The following CACNA2D3 variants were observed in gnomAD, a reference collection of about 807,000 sequenced individuals.
CACNA2D3 encodes voltage-dependent calcium channel subunit alpha-2/delta-3.
In CACNA2D3, 60 loss-of-function variants were observed where a neutral mutation model predicts 160.6. The observed-to-expected ratio is 0.37, with a 90% confidence interval of 0.30 to 0.46. The LOEUF is 0.46. Ranked by LOEUF, CACNA2D3 falls within the 20% of genes least tolerant of loss-of-function variation. The pLI is 1.00. For missense variants in CACNA2D3, 1,205 were observed against 1,365.0 expected (o/e 0.88, Z 1.85); for synonymous variants, 558 against 492.9 (o/e 1.13, Z -1.75).
Position 54,265,646 on chromosome 3 carries a change from GTA to G in CACNA2D3, c.205-54787_205-54786del, listed in dbSNP as rs575779175. ...TATATAGTGTGTATATATATAGTGTGTATATATATAGTGTATATATATAGTGT... is the reference window on the plus strand; with the variant it reads ...TATATAGTGTGTATATATATAGTGTGTATATATAGTGTATATATATAGTGT... On this transcript the variant is annotated intron_variant, in intron 2 of 37. Coordinates refer to ENST00000474759, the MANE Select transcript of CACNA2D3 (RefSeq NM_018398.3). Among the ~76,000 whole-genome samples the G allele has an allele frequency of 1.4e-3, 208 of 146,846 alleles. 2 individuals carry two copies. The highest frequency in any genetic ancestry group is 4.0e-3 in the African/African-American group (158 of 39,410).
intron 5 of CACNA2D3, among the ~76,000 whole-genome samples, chr3:54,524,808 C>G (rs1008707854): frequency 6.6e-6 from 1 of 152,056 alleles, no homozygotes; most frequent in Non-Finnish European, 1.5e-5. Flanking sequence ...ACCATTCCAG[C>G]TTTCTTGTTA....
At chr3:54,371,044 T>G (rs1304646506) in intron 3 of CACNA2D3, among the ~76,000 whole-genome samples, 1 of 152,218 alleles carries the variant, frequency 6.6e-6, no homozygotes, top group African/African-American at 2.4e-5. Flanking sequence ...CTGCTACATC[T>G]CAATATTCCT....
At chr3:54,334,156 G>A (rs748045226) in intron 3 of CACNA2D3, among the ~76,000 whole-genome samples, 28 of 150,886 alleles carry the variant, frequency 1.9e-4, no homozygotes, top group Admixed American at 5.3e-4. Flanking sequence ...GTGTGATCTC[G>A]GCTCACTGCA....
intron 3 of CACNA2D3, among the ~76,000 whole-genome samples, chr3:54,323,459 TTTTCTTTTC>T (rs1704052368): frequency 8.5e-6 from 1 of 117,352 alleles, no homozygotes; most frequent in Non-Finnish European, 2.0e-5. Context: ...CCTCTTTTCT[TTTTCTTTTC>T]TTTTTTTTTT....
intron 11 of CACNA2D3, among the ~76,000 whole-genome samples, chr3:54,676,985 G>A (rs971426284): frequency 1.3e-5 from 2 of 152,158 alleles, no homozygotes; most frequent in Admixed American, 6.5e-5. Context: ...ATTAGTTACA[G>A]CCTTTTAAAA....
At chr3:54,449,928 A>T (rs1452502530) in intron 4 of CACNA2D3, among the ~76,000 whole-genome samples, 1 of 152,234 alleles carries the variant, frequency 6.6e-6, no homozygotes, top group East Asian at 1.9e-4. Context: ...ATATATGTCC[A>T]CAATCTCTAC....
chr3:54,530,407 A>G (rs1007264594), intron 5 of CACNA2D3, among the ~76,000 whole-genome samples: 1 of 152,124 alleles, frequency 6.6e-6, no homozygotes, highest in Non-Finnish European at 1.5e-5. Context: ...GTTGAGAGGG[A>G]ATGGGAAAGG....
At chr3:54,457,662 C>T (rs1410062320) in intron 4 of CACNA2D3, among the ~76,000 whole-genome samples, 1 of 151,566 alleles carries the variant, frequency 6.6e-6, no homozygotes, top group Non-Finnish European at 1.5e-5. Context: ...TTTGGAAGTC[C>T]CCAGATTTTA....
At chr3:54,326,963 G>C (rs1026463198) in intron 3 of CACNA2D3, among the ~76,000 whole-genome samples, 1 of 152,072 alleles carries the variant, frequency 6.6e-6, no homozygotes, top group Admixed American at 6.6e-5. Context: ...GGTAAACTGG[G>C]TCGCTTGCAA....
intron 11 of CACNA2D3, among the ~76,000 whole-genome samples, chr3:54,674,836 A>G (rs995971833): frequency 2.6e-5 from 4 of 152,312 alleles, no homozygotes; most frequent in Middle Eastern, 3.4e-3. Context: ...AGTATTGACA[A>G]TGACAATGCC....
At chr3:54,894,533 G>C (rs945580558) in intron 25 of CACNA2D3, 25 of 474,872 alleles carry the variant, frequency 5.3e-5, no homozygotes, top group Admixed American at 4.5e-4. Flanking sequence ...CATGACTCTG[G>C]AAAAAGGTCC....
intron 11 of CACNA2D3, among the ~76,000 whole-genome samples, chr3:54,653,097 G>A (rs1699807494): frequency 6.6e-6 from 1 of 152,078 alleles, no homozygotes; most frequent in Non-Finnish European, 1.5e-5. Context: ...GGAGGCTTTT[G>A]AATGGAGAGG....
chr3:54,152,288 G>A (rs371363967), intron 2 of CACNA2D3, among the ~76,000 whole-genome samples: 10 of 152,272 alleles, frequency 6.6e-5, no homozygotes, highest in African/African-American at 1.9e-4. Flanking sequence ...TGCGCTACAC[G>A]CCACACCTGT....
intron 35 of CACNA2D3, among the ~76,000 whole-genome samples, chr3:55,062,504 CA>C (rs1704539256): frequency 6.6e-6 from 1 of 152,100 alleles, no homozygotes; most frequent in Non-Finnish European, 1.5e-5. Flanking sequence ...TAGTAGGAAA[CA>C]AAATTACCCA....
intron 11 of CACNA2D3, among the ~76,000 whole-genome samples, chr3:54,720,247 A>G (rs1370294250): frequency 6.6e-6 from 1 of 151,840 alleles, no homozygotes; most frequent in Non-Finnish European, 1.5e-5. Flanking sequence ...TTTTTATTAT[A>G]TGTATTTACA....
At chr3:54,414,204 T>C (rs1407004979) in intron 4 of CACNA2D3, among the ~76,000 whole-genome samples, 1 of 152,026 alleles carries the variant, frequency 6.6e-6, no homozygotes, top group African/African-American at 2.4e-5. Flanking sequence ...GAGAACAACA[T>C]TGACTTATTC....
intron 35 of CACNA2D3, among the ~76,000 whole-genome samples, chr3:55,072,293 G>GAAACC (rs1489626859): frequency 6.6e-6 from 1 of 152,146 alleles, no homozygotes; most frequent in African/African-American, 2.4e-5. Context: ...AGAAAAGAAA[G>GAAACC]AAACCAATTG....
At chr3:54,230,354 A>G (rs146279354) in intron 2 of CACNA2D3, among the ~76,000 whole-genome samples, 25 of 152,312 alleles carry the variant, frequency 1.6e-4, no homozygotes, top group Non-Finnish European at 3.2e-4. Context: ...CTCCTTCCCA[A>G]CTTACCTTAC....
At chr3:54,893,995 T>A in intron 25 of CACNA2D3, among the ~76,000 whole-genome samples, 1 of 152,096 alleles carries the variant, frequency 6.6e-6, no homozygotes, top group East Asian at 1.9e-4. Context: ...CTTTCACATA[T>A]GGTGTTATGT....
Sources: gnomAD v4.1 joint callset for allele counts (sites outside exome capture counted in the v4.1 genomes callset) on GRCh38, gnomAD v4.1.1 for gene constraint, MANE v1.5 for transcripts, NCBI Gene and HGNC (gene_info 2026-07-23, HGNC 2026-07-21) for gene names.